Variants in CFAP95 observed in about 807,000 individuals in gnomAD.
CFAP95 encodes the protein cilia- and flagella-associated protein 95.
the CFAP95 span, among the ~76,000 whole-genome samples, chr9:69,892,429 C>T: frequency 6.6e-6 from 1 of 152,166 alleles, no homozygotes; most frequent in Non-Finnish European, 1.5e-5. Context: ...GTTGGGCATG[C>T]AGGAATTACC....
chr9:69,849,515 C>T, the CFAP95 span, among the ~76,000 whole-genome samples: 2 of 152,112 alleles, frequency 1.3e-5, no homozygotes, highest in African/African-American at 4.8e-5. Flanking sequence ...ATATAAGGAA[C>T]TCATAGGTTC....
chr9:69,858,969 T>A, the CFAP95 span, among the ~76,000 whole-genome samples: 4 of 152,172 alleles, frequency 2.6e-5, no homozygotes, highest in Non-Finnish European at 5.9e-5. Flanking sequence ...CATGAACAAA[T>A]TCTAAGGATT....
the CFAP95 span, among the ~76,000 whole-genome samples, chr9:69,831,609 GAT>G: frequency 6.6e-6 from 1 of 152,144 alleles, no homozygotes; most frequent in Non-Finnish European, 1.5e-5. Flanking sequence ...AATGTACTGT[GAT>G]ATGTGTTTTG....
At chr9:69,895,397 AT>A in the CFAP95 span, among the ~76,000 whole-genome samples, 9 of 44,172 alleles carry the variant, frequency 2.0e-4, no homozygotes, top group Non-Finnish European at 4.6e-4. Context: ...GTGTGTGTGT[AT>A]TCTATTGGTT....
At chr9:69,850,928 T>C in the CFAP95 span, among the ~76,000 whole-genome samples, 2 of 152,176 alleles carry the variant, frequency 1.3e-5, no homozygotes, top group Non-Finnish European at 2.9e-5. Context: ...CTGAGTGTAC[T>C]TCCCTTGTTT....
At chr9:69,879,728 TTA>T in the CFAP95 span, among the ~76,000 whole-genome samples, 3 of 152,202 alleles carry the variant, frequency 2.0e-5, no homozygotes, top group African/African-American at 7.2e-5. Flanking sequence ...GGCCAGTCCT[TTA>T]TCCAATTAGA....
At chr9:69,860,753 T>A in the CFAP95 span, among the ~76,000 whole-genome samples, 1 of 152,150 alleles carries the variant, frequency 6.6e-6, no homozygotes, top group Non-Finnish European at 1.5e-5. Flanking sequence ...CTTTTAAAAC[T>A]TTTTTCTTAA....
At chr9:69,834,988 G>A in the CFAP95 span, among the ~76,000 whole-genome samples, 7 of 152,260 alleles carry the variant, frequency 4.6e-5, no homozygotes, top group East Asian at 1.9e-4. Flanking sequence ...ATTTGCCCAC[G>A]AAATCTTCAA....
At chr9:69,859,852 T>G in the CFAP95 span, among the ~76,000 whole-genome samples, 2 of 152,198 alleles carry the variant, frequency 1.3e-5, no homozygotes, top group Non-Finnish European at 2.9e-5. Context: ...GTTACTGTAC[T>G]GAACAGTGTA....
the CFAP95 span, among the ~76,000 whole-genome samples, chr9:69,897,165 C>A: frequency 6.6e-6 from 1 of 152,206 alleles, no homozygotes; most frequent in Non-Finnish European, 1.5e-5. Context: ...AATATCACAA[C>A]AATTTACTTT....
chr9:69,868,356 A>G, the CFAP95 span, among the ~76,000 whole-genome samples: 4 of 151,890 alleles, frequency 2.6e-5, no homozygotes, highest in African/African-American at 4.8e-5. Context: ...CAAACAAAAA[A>G]AAGCTTCTTC....
the CFAP95 span, among the ~76,000 whole-genome samples, chr9:69,841,426 A>T: frequency 4.3e-4 from 66 of 151,940 alleles, no homozygotes; most frequent in African/African-American, 1.6e-3. Context: ...GATTTCAAAA[A>T]CTTGGGTCTT....
chr9:69,847,858 A>G, the CFAP95 span, among the ~76,000 whole-genome samples: 4 of 152,178 alleles, frequency 2.6e-5, no homozygotes, highest in Non-Finnish European at 5.9e-5. Flanking sequence ...ATTTATTTGT[A>G]GCAGAGTTTA....
chr9:69,895,381 G>GT, the CFAP95 span, among the ~76,000 whole-genome samples: 507 of 150,962 alleles, frequency 3.4e-3, 3 homozygotes, highest in Non-Finnish European at 5.8e-3. Context: ...GTGTGTGTGT[G>GT]TGTGTGTGTG....
the CFAP95 span, among the ~76,000 whole-genome samples, chr9:69,899,298 G>A: frequency 6.6e-6 from 1 of 152,152 alleles, no homozygotes. Context: ...TTATGTTAGG[G>A]TGTGGAAAAC....
the CFAP95 span, among the ~76,000 whole-genome samples, chr9:69,854,032 G>T: frequency 2.0e-5 from 3 of 152,178 alleles, 1 homozygote; most frequent in Admixed American, 2.0e-4. Context: ...GAAAAATGTG[G>T]TCTGCAACAC....
the CFAP95 span, among the ~76,000 whole-genome samples, chr9:69,845,514 A>G: frequency 3.3e-4 from 50 of 152,356 alleles, no homozygotes; most frequent in African/African-American, 1.2e-3. Context: ...AAAAAGACGC[A>G]TAATTCCACA....
chr9:69,885,982 C>G, the CFAP95 span, among the ~76,000 whole-genome samples: 1 of 152,152 alleles, frequency 6.6e-6, no homozygotes, highest in Non-Finnish European at 1.5e-5. Flanking sequence ...AAATATTAAA[C>G]AGAAAATTTC....
At chr9:69,882,599 T>C in the CFAP95 span, among the ~76,000 whole-genome samples, 1 of 152,208 alleles carries the variant, frequency 6.6e-6, no homozygotes, top group African/African-American at 2.4e-5. Flanking sequence ...TATAAAGCTT[T>C]CATTATGTTG....
Sources: allele counts gnomAD v4.1 joint callset (sites outside exome capture counted in the v4.1 genomes callset), GRCh38; gene constraint gnomAD v4.1.1; transcripts MANE v1.5; gene names NCBI Gene and HGNC (gene_info 2026-07-23, HGNC 2026-07-21).